Variants in TCF4 observed in about 807,000 individuals in gnomAD.
TCF4 encodes the protein transcription factor 4.
TCF4 carries 3 observed loss-of-function variants against 82.1 expected under a neutral mutation model. The ratio of observed to expected loss-of-function variants is 0.04; its 90% CI spans 0.02 to 0.09. The LOEUF (loss-of-function observed/expected upper bound fraction) is 0.09. Ranked by LOEUF, TCF4 falls within the 10% of genes least tolerant of loss-of-function variation. The probability of loss-of-function intolerance (pLI) is 1.00; values close to 1 mark genes in which losing one functional copy is unlikely to be tolerated. For missense variants in TCF4, 518 were observed against 852.7 expected (o/e 0.61, Z 4.89); for synonymous variants, 276 against 309.6 (o/e 0.89, Z 1.14).
At chr18:55,504,506 T>C (rs2096733285) in intron 3 of TCF4, among the ~76,000 whole-genome samples, 1 of 152,234 alleles carries the variant, frequency 6.6e-6, no homozygotes, top group South Asian at 2.1e-4. Context: ...CTTCAATGCT[T>C]TAGAGAAAAA....
intron 3 of TCF4, among the ~76,000 whole-genome samples, chr18:55,553,047 T>G (rs981149315): frequency 6.6e-6 from 1 of 152,190 alleles, no homozygotes; most frequent in African/African-American, 2.4e-5. Context: ...GTTTCAGGTA[T>G]ATATTCCCAC....
chr18:55,548,056 C>T (rs1222688554), intron 3 of TCF4, among the ~76,000 whole-genome samples: 1 of 152,192 alleles, frequency 6.6e-6, no homozygotes, highest in Non-Finnish European at 1.5e-5. Flanking sequence ...GTAATCTGAA[C>T]AAGTCTGAGT....
chr18:55,569,057 C>A (rs1424341212), intron 3 of TCF4, among the ~76,000 whole-genome samples: 3 of 152,058 alleles, frequency 2.0e-5, no homozygotes, highest in Admixed American at 6.6e-5. Context: ...GATAAAAACT[C>A]TTCATGAAAT....
At chr18:55,355,849 A>AT (rs2144980268) in intron 6 of TCF4, among the ~76,000 whole-genome samples, 1 of 152,266 alleles carries the variant, frequency 6.6e-6, no homozygotes, top group Admixed American at 6.5e-5. Flanking sequence ...AGTGTTTTTT[A>AT]TTTCTACATT....
chr18:55,376,011 T>TCTTCTC (rs1455731145), intron 6 of TCF4, among the ~76,000 whole-genome samples: 2 of 150,892 alleles, frequency 1.3e-5, no homozygotes, highest in African/African-American at 4.9e-5. Context: ...TATTATATTT[T>TCTTCTC]CTTCTCCTTT....
At chr18:55,350,453 CCTAA>C (rs772360215) in intron 7 of TCF4, 45 bp from the exon 8 acceptor site, 6 of 1,605,552 alleles carry the variant, frequency 3.7e-6, no homozygotes, top group African/African-American at 1.3e-5. Context: ...TGCCCATTTT[CCTAA>C]CTAAGATAGG....
chr18:55,508,848 C>T (rs2096793583), intron 3 of TCF4, among the ~76,000 whole-genome samples: 1 of 152,150 alleles, frequency 6.6e-6, no homozygotes, highest in African/African-American at 2.4e-5. Context: ...TTCATTTCAC[C>T]ATCCCTGCAA....
At chr18:55,589,423 A>G, upstream of TCF4, 1 of 1,056,722 alleles carries the variant, frequency 9.5e-7, no homozygotes, top group Non-Finnish European at 1.1e-6. Context: ...ACTGGTACTC[A>G]GTCCTGCTCC....
chr18:55,263,714 A>G (rs890502014), intron 11 of TCF4, among the ~76,000 whole-genome samples: 6 of 151,402 alleles, frequency 4.0e-5, no homozygotes, highest in South Asian at 2.1e-4. Flanking sequence ...TTACCATGGT[A>G]TTTGGGGGTA....
chr18:55,321,917 T>G, intron 8 of TCF4: 3 of 1,399,636 alleles, frequency 2.1e-6, no homozygotes, highest in Non-Finnish European at 2.8e-6. Context: ...GCGGCGCTGC[T>G]GTCAGACGCT....
chr18:55,615,689 G>T (rs575946994), intron 2 of TCF4, among the ~76,000 whole-genome samples: 2 of 152,212 alleles, frequency 1.3e-5, no homozygotes, highest in African/African-American at 4.8e-5. Context: ...GATTGTGGAA[G>T]TCTTCTTCTA....
intron 5 of TCF4, chr18:55,422,427 TA>T (rs1429992923): frequency 1.0e-6 from 1 of 984,328 alleles, no homozygotes; most frequent in Non-Finnish European, 1.2e-6. Flanking sequence ...GGGTTTTTTT[TA>T]ATATTAAAAA....
At chr18:55,236,391 T>C (rs2049401006) in intron 15 of TCF4, among the ~76,000 whole-genome samples, 1 of 152,140 alleles carries the variant, frequency 6.6e-6, no homozygotes, top group Non-Finnish European at 1.5e-5. Context: ...ATTGGCCTCT[T>C]TGTAGATTTC....
chr18:55,635,750 T>C (rs1316532895), exon 1 of TCF4: 1 of 1,550,600 alleles, frequency 6.4e-7, no homozygotes, highest in Admixed American at 2.0e-5. Flanking sequence ...TCAACCCAAG[T>C]GCATGTTACA....
intron 5 of TCF4, among the ~76,000 whole-genome samples, chr18:55,429,271 T>C (rs892937128): frequency 1.4e-4 from 21 of 151,936 alleles, no homozygotes; most frequent in African/African-American, 5.1e-4. Context: ...TTTCATGGAG[T>C]CTTCTCCTCT....
At chr18:55,345,420 C>G (rs1418110845) in intron 8 of TCF4, among the ~76,000 whole-genome samples, 1 of 152,110 alleles carries the variant, frequency 6.6e-6, no homozygotes, top group African/African-American at 2.4e-5. Flanking sequence ...TCCCCATTGT[C>G]ATGTTATATA....
intron 8 of TCF4, among the ~76,000 whole-genome samples, chr18:55,327,013 G>C (rs554220254): frequency 3.3e-5 from 5 of 151,958 alleles, no homozygotes; most frequent in Admixed American, 6.5e-5. Flanking sequence ...CACACACACA[G>C]AATTTATTCT....
At chr18:55,465,849 C>T (rs2096005015) in intron 3 of TCF4, among the ~76,000 whole-genome samples, 1 of 152,184 alleles carries the variant, frequency 6.6e-6, no homozygotes. Context: ...TCACCTATAA[C>T]AGCCAGCTTG....
intron 2 of TCF4, among the ~76,000 whole-genome samples, chr18:55,613,073 T>C (rs1276287401): frequency 8.5e-5 from 13 of 152,168 alleles, no homozygotes; most frequent in Admixed American, 8.5e-4. Flanking sequence ...TATTTCATAT[T>C]CTTAAAAAGT....
Sources: gnomAD v4.1 joint callset for allele counts (sites outside exome capture counted in the v4.1 genomes callset) on GRCh38, gnomAD v4.1.1 for gene constraint, MANE v1.5 for transcripts, NCBI Gene and HGNC (gene_info 2026-07-23, HGNC 2026-07-21) for gene names.